SLC4A10: variants seen among roughly 807,000 people sequenced by gnomAD.
SLC4A10 encodes solute carrier family 4 member 10.
A neutral mutation model predicts 137.7 loss-of-function variants in SLC4A10; 42 were observed. The ratio of observed to expected loss-of-function variants is 0.30; its 90% confidence interval spans 0.24 to 0.39. SLC4A10 has a LOEUF of 0.39. SLC4A10 is among the 10% of genes least tolerant of loss of function. The probability of loss-of-function intolerance (pLI) is 1.00; values close to 1 mark genes in which losing one functional copy is unlikely to be tolerated. For synonymous variants in SLC4A10, 474 were observed against 464.1 expected, an observed-to-expected ratio of 1.02 and a Z score of -0.27; for missense variants, 925 against 1,355.0, an observed-to-expected ratio of 0.68 and a Z score of 4.98.
intron 1 of SLC4A10, among the ~76,000 whole-genome samples, chr2:161,765,342 C>T (rs1229510883): frequency 1.3e-5 from 2 of 152,094 alleles, no homozygotes; most frequent in African/African-American, 4.8e-5. Flanking sequence ...CGTGGTGGCT[C>T]ACGCCTGTAA....
intron 3 of SLC4A10, among the ~76,000 whole-genome samples, chr2:161,837,188 G>A (rs1296090781): frequency 6.6e-6 from 1 of 152,132 alleles, no homozygotes; most frequent in Non-Finnish European, 1.5e-5. Context: ...ACATATATAT[G>A]ATCTCTACCT....
chr2:161,850,864 C>T (rs1424739553), intron 4 of SLC4A10, among the ~76,000 whole-genome samples: 2 of 152,026 alleles, frequency 1.3e-5, no homozygotes, highest in African/African-American at 2.4e-5. Flanking sequence ...ATAAACTTTC[C>T]TCTCAACACT....
At chr2:161,927,292 A>C (rs912021469) in intron 15 of SLC4A10, among the ~76,000 whole-genome samples, 25 of 151,950 alleles carry the variant, frequency 1.6e-4, no homozygotes, top group African/African-American at 5.8e-4. Flanking sequence ...TTTCCTTCTC[A>C]CTTCATTTCA....
intron 19 of SLC4A10, among the ~76,000 whole-genome samples, chr2:161,956,333 A>G (rs900634357): frequency 6.6e-5 from 10 of 152,202 alleles, no homozygotes; most frequent in Admixed American, 3.3e-4. Context: ...GTCTGACTCC[A>G]GAACTTATAT....
At chr2:161,668,952 A>C (rs763992656) in intron 1 of SLC4A10, among the ~76,000 whole-genome samples, 15 of 151,922 alleles carry the variant, frequency 9.9e-5, no homozygotes, top group Non-Finnish European at 1.9e-4. Flanking sequence ...GTGTCATGCT[A>C]TCAAGTTCTA....
At chr2:161,898,969 A>G (rs529756403) in intron 11 of SLC4A10, among the ~76,000 whole-genome samples, 3 of 152,222 alleles carry the variant, frequency 2.0e-5, no homozygotes, top group Non-Finnish European at 2.9e-5. Context: ...AGCCTTCAGC[A>G]CATCCTTTCT....
At chr2:161,673,675 TA>T (rs921891397) in intron 1 of SLC4A10, among the ~76,000 whole-genome samples, 2 of 152,070 alleles carry the variant, frequency 1.3e-5, no homozygotes, top group Non-Finnish European at 1.5e-5. Flanking sequence ...TTAATACATT[TA>T]AAAAAATGAG....
chr2:161,876,468 TAGGAGTTCGA>T (rs2061454139), intron 8 of SLC4A10, among the ~76,000 whole-genome samples: 1 of 152,020 alleles, frequency 6.6e-6, no homozygotes, highest in South Asian at 2.1e-4. Context: ...CACTTGAGCT[TAGGAGTTCGA>T]GATCAACCTA....
At position 161,740,268 on chromosome 2, in the gene SLC4A10, A is replaced by G. The variant is rs540576512; in HGVS notation, c.49-30705A>G. Among the ~76,000 whole-genome samples, 13 of 152,298 alleles carry G rather than the reference A, an allele frequency of 8.5e-5. No individual in the cohort carries two copies. In the South Asian group the frequency reaches 2.5e-3, roughly 29 times the overall value. ...GTACTTATAGGGCACTGTAGAATCC[A>G]TCAGCTCCTCACACAATTCCAGAGT... On this transcript the variant is annotated intron_variant, in intron 1 of 26. Coordinates refer to ENST00000446997, the MANE Select transcript of SLC4A10 (RefSeq NM_001178015.2).
intron 23 of SLC4A10, among the ~76,000 whole-genome samples, chr2:161,965,618 ATTAT>A (rs1697443870): frequency 1.3e-5 from 2 of 152,290 alleles, no homozygotes; most frequent in South Asian, 4.1e-4. Context: ...CTAATGAATA[ATTAT>A]TTATTCTTGA....
rs146719883 is a variant in SLC4A10 at position 161,658,707 on chromosome 2, C to T, written c.48+34141C>T. Among the ~76,000 whole-genome samples, 492 of 151,516 alleles carry T rather than the reference C, an allele frequency of 3.2e-3. 3 individuals carry two copies. The highest frequency in any genetic ancestry group is 0.011 in the African/African-American group (438 of 41,308). On this transcript the variant is annotated intron_variant, in intron 1 of 26. Coordinates refer to ENST00000446997, the MANE Select transcript of SLC4A10 (RefSeq NM_001178015.2). ...CCCCTGGGCTCAAGCAATTCTCCCT[C>T]GGCCTCCCAGGTAACTGGGGTTACA...
chr2:161,932,170 A>G (rs1190272303), intron 15 of SLC4A10, among the ~76,000 whole-genome samples: 1 of 151,980 alleles, frequency 6.6e-6, no homozygotes, highest in African/African-American at 2.4e-5. Flanking sequence ...GGAGCATACT[A>G]CTCCTTACTA....
chr2:161,732,597 G>A (rs867326208), intron 1 of SLC4A10, among the ~76,000 whole-genome samples: 2 of 152,304 alleles, frequency 1.3e-5, no homozygotes, highest in South Asian at 4.1e-4. Context: ...GGCTATTCAA[G>A]TTTGCAGGCT....
intron 3 of SLC4A10, among the ~76,000 whole-genome samples, chr2:161,813,106 A>T (rs2056711579): frequency 6.6e-6 from 1 of 151,868 alleles, no homozygotes; most frequent in South Asian, 2.1e-4. Context: ...TTTTCATTTT[A>T]TCCTAAAGTA....
In SLC4A10 at chr2:161,872,389, GC is replaced by G. The variant is rs975033408; in HGVS notation, c.858+6del. The G allele has an allele frequency of 4.3e-6, 7 of 1,610,506 alleles. No individual in the cohort carries two copies. The Admixed American group carries it at 5.0e-5, about 12-fold the overall frequency. On this transcript the variant is annotated splice_donor_region_variant and intron_variant, in intron 7 of 26. Coordinates refer to ENST00000446997, the MANE Select transcript of SLC4A10 (RefSeq NM_001178015.2). ...AGCACTGTTGACTTTAGCAAGGTGA[GC>G]TTTTCTCCCTCTCATCTAAGTAAGT... is the stretch of plus-strand genomic sequence containing the variant.
At chr2:161,844,309 T>C (rs1382026273) in intron 4 of SLC4A10, among the ~76,000 whole-genome samples, 1 of 152,136 alleles carries the variant, frequency 6.6e-6, no homozygotes, top group East Asian at 1.9e-4. Context: ...GTCATCTGGA[T>C]TTTTTACGGG....
intron 6 of SLC4A10, 132 bp downstream of exon 6, chr2:161,863,194 C>T: frequency 1.2e-6 from 1 of 851,206 alleles, no homozygotes; most frequent in Non-Finnish European, 1.7e-6. Context: ...GAATTCTTTT[C>T]ACATGAGTAT....
At chr2:161,763,229 G>A (rs1410698941) in intron 1 of SLC4A10, among the ~76,000 whole-genome samples, 1 of 151,890 alleles carries the variant, frequency 6.6e-6, no homozygotes, top group East Asian at 1.9e-4. Context: ...TTTTTTGAAA[G>A]ATGTTTCTTA....
At chr2:161,928,192 A>G (rs1166730400) in intron 15 of SLC4A10, among the ~76,000 whole-genome samples, 2 of 149,408 alleles carry the variant, frequency 1.3e-5, no homozygotes, top group Admixed American at 1.3e-4. Flanking sequence ...CTATGCAGCC[A>G]TAAAAAATGA....
Sources: allele counts gnomAD v4.1 joint callset (sites outside exome capture counted in the v4.1 genomes callset), GRCh38; gene constraint gnomAD v4.1.1; transcripts MANE v1.5; gene names NCBI Gene and HGNC (gene_info 2026-07-23, HGNC 2026-07-21).